IRAG1: variants seen among roughly 807,000 people sequenced by gnomAD.
IRAG1 encodes inositol 1,4,5-triphosphate receptor associated 1.
IRAG1 carries 62 observed loss-of-function variants against 106.2 expected under a neutral mutation model. The observed-to-expected ratio is 0.58, with a 90% CI of 0.48 to 0.72. The LOEUF (loss-of-function observed/expected upper bound fraction) is 0.72, where lower values mean the gene tolerates loss of function less well. IRAG1 is among the 30% of genes least tolerant of loss of function. The pLI is 0.00. For synonymous variants in IRAG1, 462 were observed against 443.9 expected, an observed-to-expected ratio of 1.04 and a Z score of -0.51; for missense variants, 1,064 against 1,140.7, an observed-to-expected ratio of 0.93 and a Z score of 0.97.
chr11:10,643,741 C>T, intron 2 of IRAG1, among the ~76,000 whole-genome samples: 1 of 152,152 alleles, frequency 6.6e-6, no homozygotes, highest in Admixed American at 6.6e-5. Context: ...TCCATCCATC[C>T]CTCCCTCCCT....
intron 10 of IRAG1, among the ~76,000 whole-genome samples, chr11:10,620,055 T>C (rs573451862): frequency 8.5e-5 from 13 of 152,296 alleles, no homozygotes; most frequent in African/African-American, 2.9e-4. Context: ...AGTGTGCACA[T>C]ATACATTTAA....
At chr11:10,674,748 G>C (rs924955745) in intron 1 of IRAG1, among the ~76,000 whole-genome samples, 1 of 152,216 alleles carries the variant, frequency 6.6e-6, no homozygotes, top group Non-Finnish European at 1.5e-5. Context: ...AAAAGTGACT[G>C]CTTCCTGCAC....
intron 1 of IRAG1, among the ~76,000 whole-genome samples, chr11:10,684,857 T>G (rs564140423): frequency 3.3e-5 from 5 of 152,170 alleles, no homozygotes; most frequent in Non-Finnish European, 7.4e-5. Context: ...ATCTGCAATT[T>G]CTTGTGTGCT....
chr11:10,586,894 G>A (rs549108441), intron 18 of IRAG1, among the ~76,000 whole-genome samples: 11 of 152,160 alleles, frequency 7.2e-5, no homozygotes, highest in African/African-American at 1.2e-4. Context: ...AAGTTGCATC[G>A]GTTTCACTAT....
intron 1 of IRAG1, among the ~76,000 whole-genome samples, chr11:10,678,071 T>C (rs1014186796): frequency 5.3e-5 from 8 of 152,228 alleles, no homozygotes; most frequent in African/African-American, 1.9e-4. Flanking sequence ...TGTTTATTCA[T>C]TCATCAGGTG....
intron 10 of IRAG1, among the ~76,000 whole-genome samples, chr11:10,616,091 G>T (rs2134454983): frequency 6.6e-6 from 1 of 151,450 alleles, no homozygotes; most frequent in Admixed American, 6.6e-5. Context: ...GGATCACGAG[G>T]TCAGGACATC....
At chr11:10,662,923 T>G (rs977809946) in intron 1 of IRAG1, among the ~76,000 whole-genome samples, 3 of 152,240 alleles carry the variant, frequency 2.0e-5, no homozygotes, top group Non-Finnish European at 2.9e-5. Flanking sequence ...ACCCACTTGA[T>G]GGGATCGCAC....
chr11:10,688,743 G>A (rs1861844460), intron 1 of IRAG1, among the ~76,000 whole-genome samples: 1 of 152,160 alleles, frequency 6.6e-6, no homozygotes, highest in Non-Finnish European at 1.5e-5. Context: ...GGAATGACCT[G>A]ACTCATTTAT....
chr11:10,627,049 T>C (rs1438996707), intron 8 of IRAG1, among the ~76,000 whole-genome samples: 1 of 152,182 alleles, frequency 6.6e-6, no homozygotes, highest in Non-Finnish European at 1.5e-5. Flanking sequence ...TTAGGGATCA[T>C]TGGATGGGGT....
At chr11:10,654,967 C>G (rs1425602271) in intron 1 of IRAG1, among the ~76,000 whole-genome samples, 1 of 152,136 alleles carries the variant, frequency 6.6e-6, no homozygotes, top group Non-Finnish European at 1.5e-5. Flanking sequence ...TCAGGTTCAC[C>G]CAAAGGTGAG....
intron 2 of IRAG1, among the ~76,000 whole-genome samples, chr11:10,634,361 C>G (rs1856971202): frequency 6.6e-6 from 1 of 152,204 alleles, no homozygotes; most frequent in Non-Finnish European, 1.5e-5. Flanking sequence ...ATGATTACCA[C>G]AGTCAGGCTA....
At position 10,574,299 on chromosome 11, in the gene IRAG1, C is replaced by T. The variant is rs1850716761; in HGVS notation, c.*2033G>A. On this transcript the variant is annotated 3_prime_UTR_variant, in exon 21 of 21. Coordinates refer to ENST00000423302, the MANE Select transcript of IRAG1 (RefSeq NM_130385.4). ...GAGAAGCATGCAGCATGTCAGCTGTCCCCAGGCTGCTCTCCACCACCTTAA... is the reference window on the plus strand; with the variant it reads ...GAGAAGCATGCAGCATGTCAGCTGTTCCCAGGCTGCTCTCCACCACCTTAA... 6.6e-6 allele frequency: 1 copy of T among 152,126 alleles called. No individual in the cohort carries two copies. The highest frequency in any genetic ancestry group is 1.5e-5 in the Non-Finnish European group (1 of 68,044). 9.4% of individuals were successfully genotyped at this position (152,126 alleles called of 1,614,324 possible).
chr11:10,690,956 C>T (rs563687913), intron 1 of IRAG1, among the ~76,000 whole-genome samples: 22 of 152,314 alleles, frequency 1.4e-4, no homozygotes, highest in East Asian at 3.9e-4. Flanking sequence ...GCCCCAAGCT[C>T]TCTTCTCCCT....
chr11:10,633,371 G>A (rs758340552), intron 3 of IRAG1, among the ~76,000 whole-genome samples: 19 of 152,102 alleles, frequency 1.2e-4, no homozygotes, highest in Admixed American at 2.0e-4. Flanking sequence ...CACTGCGCCC[G>A]GCCGAGAATT....
intron 10 of IRAG1, among the ~76,000 whole-genome samples, chr11:10,621,543 C>T (rs778794783): frequency 1.3e-5 from 2 of 152,186 alleles, no homozygotes; most frequent in African/African-American, 2.4e-5. Flanking sequence ...CCCCAACACG[C>T]TGGCCTCCTA....
chr11:10,680,323 G>GGGAGGGAAGGAA, intron 1 of IRAG1, among the ~76,000 whole-genome samples: 1 of 86,644 alleles, frequency 1.2e-5, no homozygotes, highest in African/African-American at 5.4e-5. Context: ...GGAGGGAGGG[G>GGGAGGGAAGGAA]GGAAGGAAGG....
intron 1 of IRAG1, among the ~76,000 whole-genome samples, chr11:10,688,278 G>T (rs1168665601): frequency 6.6e-6 from 1 of 152,120 alleles, no homozygotes; most frequent in South Asian, 2.1e-4. Flanking sequence ...TAGGGACACT[G>T]TGCTGCCTCC....
At chr11:10,688,778 T>C (rs1861847965) in intron 1 of IRAG1, among the ~76,000 whole-genome samples, 1 of 152,228 alleles carries the variant, frequency 6.6e-6, no homozygotes, top group East Asian at 1.9e-4. Context: ...ATTTTTCCCA[T>C]GCCTGTGTTT....
chr11:10,623,852 T>G lies in IRAG1; in HGVS notation c.1373A>C (p.His458Pro). ...MQKLTKLREE[H>P]ILMRNQNLVG... ...TAAGTTCTGATTTCTCATCAGGATG[T>G]GCTCCTTTGTGGTAAAAGAAAGAGA... The change falls in exon 10 of 21, where the codon CAC (histidine) becomes CCC (proline). Residue 458 changes from histidine to proline, a missense_variant. Transcript: ENST00000423302. 1 of 1,613,826 alleles carries G rather than the reference T, an allele frequency of 6.2e-7. No homozygotes were observed.
Sources: allele counts gnomAD v4.1 joint callset (sites outside exome capture counted in the v4.1 genomes callset), GRCh38; gene constraint gnomAD v4.1.1; transcripts MANE v1.5; gene names NCBI Gene and HGNC (gene_info 2026-07-23, HGNC 2026-07-21).